Variants in EMC2 observed in about 807,000 individuals in gnomAD.
EMC2 encodes the protein TPR repeat protein 35.
A neutral mutation model predicts 51.6 loss-of-function variants in EMC2; 37 were observed. The observed-to-expected ratio is 0.72, with a 90% CI of 0.55 to 0.94. The LOEUF is 0.94. EMC2 is among the 40% of genes least tolerant of loss of function. The probability of loss-of-function intolerance (pLI) is 0.00; values close to 1 mark genes in which losing one functional copy is unlikely to be tolerated. For synonymous variants in EMC2, 131 were observed against 112.4 expected (o/e 1.17, Z -1.04); for missense variants, 359 against 350.9 (o/e 1.02, Z -0.18).
intron 10 of EMC2, among the ~76,000 whole-genome samples, chr8:108,482,075 T>A (rs1043623259): frequency 1.3e-5 from 2 of 152,174 alleles, no homozygotes; most frequent in African/African-American, 4.8e-5. Flanking sequence ...ATATTTAACT[T>A]TAGTAGTTAA....
intron 1 of EMC2, among the ~76,000 whole-genome samples, chr8:108,447,611 C>A (rs1356081081): frequency 6.6e-6 from 1 of 152,024 alleles, no homozygotes; most frequent in African/African-American, 2.4e-5. Flanking sequence ...CATATTTTTC[C>A]ATCTTTCAGA....
rs1465910617 is a variant in EMC2 at position 108,453,053 on chromosome 8, T to C, written c.220-9T>C. ...TAATGTAATTACTACTCAACCCTTATTTTTTCAGTTTTGTCTTCAAGAGCT... is the reference window on the plus strand; with the variant it reads ...TAATGTAATTACTACTCAACCCTTACTTTTTCAGTTTTGTCTTCAAGAGCT... On this transcript the variant is annotated splice_polypyrimidine_tract_variant and intron_variant, in intron 3 of 10. Transcript: ENST00000220853. 5.1e-6 allele frequency: 8 copies of C among 1,566,934 alleles called. No individual in the cohort carries two copies. The highest frequency in any genetic ancestry group is 1.2e-5 in the South Asian group (1 of 86,480).
intron 10 of EMC2, among the ~76,000 whole-genome samples, chr8:108,483,034 A>T (rs535040368): frequency 2.0e-5 from 3 of 151,892 alleles, no homozygotes; most frequent in Non-Finnish European, 4.4e-5. Context: ...ACAGATTTGA[A>T]CCCATGTTGT....
chr8:108,487,978 C>CATTTTCAACATG lies in EMC2; in HGVS notation c.*1383_*1394dup, dbSNP rs1306948936. Among the ~76,000 whole-genome samples the CATTTTCAACATG allele has an allele frequency of 6.6e-6, 1 of 152,124 alleles. No homozygotes were observed. The highest frequency in any genetic ancestry group is 1.9e-4 in the East Asian group (1 of 5,184). On this transcript the variant is annotated 3_prime_UTR_variant, in exon 11 of 11. Coordinates refer to ENST00000220853, the MANE Select transcript of EMC2 (RefSeq NM_014673.5). ...TTTGTACACATGAAATTAGTAACTG[C>CATTTTCAACATG]ATTTTCAACATGATGAACCATTTGA... is the stretch of plus-strand genomic sequence containing the variant.
At chr8:108,479,637 C>T (rs1811011712) in intron 10 of EMC2, among the ~76,000 whole-genome samples, 1 of 152,118 alleles carries the variant, frequency 6.6e-6, no homozygotes, top group Admixed American at 6.6e-5. Context: ...GAAATTTGCT[C>T]ATGGGAAAAC....
At chr8:108,464,413 C>G (rs1819415293) in intron 5 of EMC2, among the ~76,000 whole-genome samples, 1 of 152,170 alleles carries the variant, frequency 6.6e-6, no homozygotes, top group Non-Finnish European at 1.5e-5. Flanking sequence ...TGGAGGGAGG[C>G]AGGCAGGCCC....
intron 3 of EMC2, 40 bp downstream of exon 3, chr8:108,450,532 C>A: frequency 1.7e-6 from 2 of 1,147,586 alleles, no homozygotes; most frequent in Non-Finnish European, 2.7e-6. Flanking sequence ...TTTGCTTCAT[C>A]AATTGTATAC....
At chr8:108,447,638 T>TG (rs760752011) in intron 1 of EMC2, among the ~76,000 whole-genome samples, 2 of 152,136 alleles carry the variant, frequency 1.3e-5, no homozygotes, top group Non-Finnish European at 1.5e-5. Flanking sequence ...CTCACTGCAG[T>TG]GACATCTCAT....
At chr8:108,457,778 C>T (rs1387525406) in intron 5 of EMC2, among the ~76,000 whole-genome samples, 1 of 152,190 alleles carries the variant, frequency 6.6e-6, no homozygotes, top group Non-Finnish European at 1.5e-5. Flanking sequence ...CCATATCATT[C>T]TGCCCCTGGC....
intron 7 of EMC2, among the ~76,000 whole-genome samples, chr8:108,471,176 A>G (rs1810848342): frequency 6.6e-6 from 1 of 152,026 alleles, no homozygotes. Flanking sequence ...TATAGATGAT[A>G]TGCTTGTATG....
intron 2 of EMC2, 58 bp downstream of exon 2, chr8:108,449,994 T>G (rs1818978337): frequency 1.6e-6 from 1 of 621,752 alleles, no homozygotes; most frequent in Admixed American, 3.0e-5. Context: ...GCCTTTTTTT[T>G]TTTTTAACTG....
chr8:108,443,783 T>A, intron 1 of EMC2, 85 bp downstream of exon 1: 1 of 1,220,164 alleles, frequency 8.2e-7, no homozygotes, highest in South Asian at 1.3e-5. Flanking sequence ...GGGAGCTGGG[T>A]TCTCTGGTGT....
rs1322890874 is a variant in EMC2, at chr8:108,470,125, A to G, written c.509+4A>G. Reference sequence around the variant, plus strand: ...AACTTTACATCAATGAACATGAGTAAGTTATTAAACACACAACATTTTGTT... The same window carrying G: ...AACTTTACATCAATGAACATGAGTAGGTTATTAAACACACAACATTTTGTT... On this transcript the variant is annotated splice_donor_region_variant and intron_variant, in intron 7 of 10. Coordinates refer to ENST00000220853, the MANE Select transcript of EMC2 (RefSeq NM_014673.5). 8 of 1,604,602 alleles carry G rather than the reference A, an allele frequency of 5.0e-6. No homozygotes were observed. Among genetic ancestry groups the G allele is most frequent in the Non-Finnish European group, 6.8e-6 (8 of 1,172,162 alleles).
At chr8:108,456,444 G>A (rs547228435) in intron 5 of EMC2, among the ~76,000 whole-genome samples, 17 of 149,898 alleles carry the variant, frequency 1.1e-4, no homozygotes, top group African/African-American at 4.2e-4. Flanking sequence ...AAAATATTTT[G>A]AAGTTTATGA....
intron 1 of EMC2, chr8:108,446,187 G>A: frequency 9.7e-6 from 3 of 310,262 alleles, no homozygotes; most frequent in Non-Finnish European, 2.0e-5. Flanking sequence ...TGGCACATAG[G>A]CATTTAGGAA....
At chr8:108,464,528 T>C (rs1819419477) in intron 5 of EMC2, among the ~76,000 whole-genome samples, 1 of 152,178 alleles carries the variant, frequency 6.6e-6, no homozygotes, top group Admixed American at 6.5e-5. Flanking sequence ...CCATTCAAGC[T>C]CCTGTTTGAA....
chr8:108,479,431 G>T (rs1235751579), intron 10 of EMC2, among the ~76,000 whole-genome samples: 1 of 151,988 alleles, frequency 6.6e-6, no homozygotes, highest in Non-Finnish European at 1.5e-5. Context: ...AGCAGATTGG[G>T]TATGTGAGTG....
chr8:108,477,104 A>G (rs1353392915), intron 9 of EMC2, among the ~76,000 whole-genome samples: 1 of 151,914 alleles, frequency 6.6e-6, no homozygotes, highest in Non-Finnish European at 1.5e-5. Flanking sequence ...TTTGTAAACT[A>G]TCTTTTATAT....
At chr8:108,470,997 G>A (rs1586188808) in intron 7 of EMC2, 1 of 151,978 alleles carries the variant, frequency 6.6e-6, no homozygotes, top group East Asian at 1.9e-4. Flanking sequence ...AGAGGATTGA[G>A]GTAGTCTATT....
Sources: gnomAD v4.1 joint callset for allele counts (sites outside exome capture counted in the v4.1 genomes callset) on GRCh38, gnomAD v4.1.1 for gene constraint, MANE v1.5 for transcripts, NCBI Gene and HGNC (gene_info 2026-07-23, HGNC 2026-07-21) for gene names.